The following BTRC variants were observed in gnomAD, a reference collection of about 807,000 sequenced individuals.
BTRC encodes F-box/WD repeat-containing protein 1A.
Under a neutral mutation model 85.5 loss-of-function variants are expected in BTRC, and 42 were observed. The observed-to-expected ratio is 0.49, with a 90% confidence interval of 0.38 to 0.64. The LOEUF is 0.64. BTRC is among the 30% of genes least tolerant of loss of function. The pLI, the probability that BTRC is intolerant of heterozygous loss-of-function variation, is 0.00. For missense variants in BTRC, 594 were observed against 743.5 expected, an observed-to-expected ratio of 0.80 and a Z score of 2.34; for synonymous variants, 255 against 263.3, an observed-to-expected ratio of 0.97 and a Z score of 0.30.
At position 101,521,642 on chromosome 10, in the gene BTRC, A is replaced by G; in HGVS notation, c.328A>G (p.Lys110Glu). ...MKTENCVAKT[K>E]LANGTSSMIV... Reference sequence around the variant, plus strand: ...TTCTTTTAACCCCCTTCTACAGACAAAACTTGCCAATGGCACTTCCAGTAT... The same window carrying G: ...TTCTTTTAACCCCCTTCTACAGACAGAACTTGCCAATGGCACTTCCAGTAT... The change falls in exon 5 of 15, where the codon AAA becomes GAA. Residue 110 changes from lysine to glutamate, a missense_variant. Coordinates refer to ENST00000370187, the MANE Select transcript of BTRC (RefSeq NM_033637.4). 6.2e-7 allele frequency: 1 copy of G among 1,613,132 alleles called. No homozygotes were observed. Among genetic ancestry groups the G allele is most frequent in the East Asian group, 2.2e-5 (1 of 44,874 alleles).
At chr10:101,360,660 C>G (rs113490639) in intron 1 of BTRC, among the ~76,000 whole-genome samples, 2 of 152,078 alleles carry the variant, frequency 1.3e-5, no homozygotes, top group Non-Finnish European at 2.9e-5. Context: ...CATTAGCTAC[C>G]GCGTCTGGCC....
chr10:101,493,290 C>T (rs1253283025), intron 4 of BTRC, among the ~76,000 whole-genome samples: 3 of 152,158 alleles, frequency 2.0e-5, no homozygotes, highest in African/African-American at 7.2e-5. Flanking sequence ...AATTTGACAG[C>T]CTTTTTGCAC....
chr10:101,463,354 A>G (rs2134175075), intron 3 of BTRC, among the ~76,000 whole-genome samples: 1 of 151,652 alleles, frequency 6.6e-6, no homozygotes, highest in Non-Finnish European at 1.5e-5. Context: ...TAATTTTTGT[A>G]TTTTTAGTAG....
At chr10:101,511,898 G>A (rs1191166619) in intron 4 of BTRC, among the ~76,000 whole-genome samples, 4 of 152,060 alleles carry the variant, frequency 2.6e-5, no homozygotes, top group African/African-American at 7.2e-5. Flanking sequence ...TGATCTGTCC[G>A]CCTCAGCCTC....
intron 4 of BTRC, among the ~76,000 whole-genome samples, chr10:101,489,581 T>G (rs1946077224): frequency 6.6e-6 from 1 of 152,120 alleles, no homozygotes; most frequent in Admixed American, 6.5e-5. Flanking sequence ...TTTTGAACCT[T>G]TTACTACCCA....
intron 2 of BTRC, among the ~76,000 whole-genome samples, chr10:101,448,030 G>A (rs1017239789): frequency 3.3e-5 from 5 of 152,118 alleles, no homozygotes; most frequent in Non-Finnish European, 5.9e-5. Context: ...TCTTTAAATC[G>A]AAGATAGTTA....
chr10:101,512,488 T>G (rs2061969564), intron 4 of BTRC, among the ~76,000 whole-genome samples: 1 of 152,220 alleles, frequency 6.6e-6, no homozygotes, highest in African/African-American at 2.4e-5. Flanking sequence ...TAAAGCAGAT[T>G]TGGATGCAAA....
chr10:101,365,302 A>C (rs1942337358), intron 1 of BTRC, among the ~76,000 whole-genome samples: 1 of 149,384 alleles, frequency 6.7e-6, no homozygotes, highest in Admixed American at 6.7e-5. Flanking sequence ...TGAACTCCGG[A>C]TCTCAGGTGA....
At chr10:101,506,738 G>A (rs1052802362) in intron 4 of BTRC, among the ~76,000 whole-genome samples, 1 of 152,240 alleles carries the variant, frequency 6.6e-6, no homozygotes, top group Admixed American at 6.5e-5. Context: ...GGATGGCAAG[G>A]CTAGATGAAG....
intron 1 of BTRC, among the ~76,000 whole-genome samples, chr10:101,359,895 C>T (rs1276818084): frequency 1.3e-5 from 2 of 150,622 alleles, no homozygotes; most frequent in Non-Finnish European, 3.0e-5. Context: ...CTGCCGTGTC[C>T]GGCCTCTTTT....
intron 3 of BTRC, among the ~76,000 whole-genome samples, chr10:101,476,643 A>C (rs1171229062): frequency 2.0e-5 from 3 of 151,344 alleles, no homozygotes; most frequent in Admixed American, 6.6e-5. Context: ...TTTTTTTTAA[A>C]TAGAAATGTG....
At chr10:101,366,983 TTTATATATATTA>T (rs1426627681) in intron 1 of BTRC, among the ~76,000 whole-genome samples, 2 of 70,960 alleles carry the variant, frequency 2.8e-5, no homozygotes, top group African/African-American at 5.4e-5. Flanking sequence ...TATTTATATA[TTTATATATATTA>T]ATATATATAT....
At chr10:101,470,794 A>G (rs1945504657) in intron 3 of BTRC, among the ~76,000 whole-genome samples, 2 of 152,214 alleles carry the variant, frequency 1.3e-5, no homozygotes, top group African/African-American at 4.8e-5. Context: ...TATACGTGCC[A>G]TGAAGTAGAG....
At chr10:101,374,637 TGGGGGGA>T (rs1206353814) in intron 1 of BTRC, among the ~76,000 whole-genome samples, 1 of 65,528 alleles carries the variant, frequency 1.5e-5, no homozygotes, top group African/African-American at 6.3e-5. Flanking sequence ...TGTTGTGGGG[TGGGGGGA>T]GGGGGGAGGG....
chr10:101,370,169 G>A (rs980818845), intron 1 of BTRC, among the ~76,000 whole-genome samples: 1 of 152,204 alleles, frequency 6.6e-6, no homozygotes, highest in African/African-American at 2.4e-5. Context: ...CCAGGCTGCA[G>A]TGCAGTGGCA....
intron 4 of BTRC, among the ~76,000 whole-genome samples, chr10:101,513,657 AGTTT>A (rs2061985305): frequency 6.6e-6 from 1 of 152,154 alleles, no homozygotes; most frequent in South Asian, 2.1e-4. Flanking sequence ...GCAGCATCAC[AGTTT>A]GTTTACCAGT....
intron 2 of BTRC, among the ~76,000 whole-genome samples, chr10:101,460,753 A>G (rs563608740): frequency 1.3e-5 from 2 of 152,342 alleles, no homozygotes; most frequent in East Asian, 3.9e-4. Flanking sequence ...AGAACACAGT[A>G]ATGATTGTAT....
chr10:101,491,638 A>T (rs140836879), intron 4 of BTRC, among the ~76,000 whole-genome samples: 7,620 of 152,052 alleles, frequency 0.05, 254 homozygotes, highest in Non-Finnish European at 0.074. Context: ...CGGAGGTTGC[A>T]GTGAGCCAAG....
intron 4 of BTRC, among the ~76,000 whole-genome samples, chr10:101,507,151 C>T (rs1946562982): frequency 6.6e-6 from 1 of 152,150 alleles, no homozygotes; most frequent in South Asian, 2.1e-4. Flanking sequence ...ATCACTGGGG[C>T]TTTTTTCCCA....
Sources: gnomAD v4.1 joint callset for allele counts (sites outside exome capture counted in the v4.1 genomes callset) on GRCh38, gnomAD v4.1.1 for gene constraint, MANE v1.5 for transcripts, NCBI Gene and HGNC (gene_info 2026-07-23, HGNC 2026-07-21) for gene names.